Variants in ITGAM observed in about 807,000 individuals in gnomAD.
ITGAM encodes the protein integrin subunit alpha M, also known as integrin alpha-M.
Under a neutral mutation model 137.5 loss-of-function variants are expected in ITGAM, and 79 were observed. The observed-to-expected ratio is 0.57, with a 90% CI of 0.48 to 0.69. The LOEUF (loss-of-function observed/expected upper bound fraction) is 0.69, where lower values mean the gene tolerates loss of function less well. Ranked by LOEUF, ITGAM falls within the 30% of genes least tolerant of loss-of-function variation. The pLI, the probability that ITGAM is intolerant of heterozygous loss-of-function variation, is 0.00. For synonymous variants in ITGAM, 583 were observed against 592.3 expected (o/e 0.98, Z 0.23); for missense variants, 1,343 against 1,483.5 (o/e 0.91, Z 1.56).
chr16:31,297,982 G>C (rs768226518), intron 14 of ITGAM, 28 bp downstream of exon 14: 3 of 1,559,268 alleles, frequency 1.9e-6, no homozygotes, highest in Non-Finnish European at 2.7e-6. Context: ...TCCTTGTCAT[G>C]ACAGTAGCCT....
chr16:31,326,999 G>C, intron 22 of ITGAM, 64 bp downstream of exon 22: 5 of 1,251,958 alleles, frequency 4.0e-6, no homozygotes, highest in Non-Finnish European at 5.9e-6. Context: ...CCTGGCCCAT[G>C]GTGGGCCTTT....
chr16:31,309,748 T>C (rs1597022074), intron 14 of ITGAM, among the ~76,000 whole-genome samples: 1 of 152,238 alleles, frequency 6.6e-6, no homozygotes, highest in East Asian at 1.9e-4. Flanking sequence ...TTCTTAGCCT[T>C]GATGGTCTTT....
At chr16:31,272,460 T>C (rs2079860002) in intron 7 of ITGAM, among the ~76,000 whole-genome samples, 1 of 10,712 alleles carries the variant, frequency 9.3e-5, no homozygotes, top group Non-Finnish European at 1.6e-4. Context: ...TATATATATA[T>C]ATATTTTTTT....
intron 5 of ITGAM, among the ~76,000 whole-genome samples, chr16:31,270,168 C>T (rs1370546889): frequency 2.9e-5 from 1 of 35,012 alleles, no homozygotes; most frequent in African/African-American, 9.3e-5. Context: ...CTTTCCTTTC[C>T]TTTCCTTTCC....
chr16:31,287,570 C>A (rs1030622509), intron 12 of ITGAM, among the ~76,000 whole-genome samples: 1 of 151,998 alleles, frequency 6.6e-6, no homozygotes, highest in Non-Finnish European at 1.5e-5. Flanking sequence ...TTTGTAGAGA[C>A]CTTTTACCTC....
chr16:31,269,391 G>A (rs1350811012), intron 5 of ITGAM, among the ~76,000 whole-genome samples: 1 of 152,168 alleles, frequency 6.6e-6, no homozygotes, highest in Non-Finnish European at 1.5e-5. Flanking sequence ...CAGGTAAGAA[G>A]GAGGTCTGCT....
In ITGAM at chr16:31,271,093, C is replaced by T. The variant is rs779195778; in HGVS notation, c.558+9C>T. 4 of 1,550,170 alleles carry T rather than the reference C, an allele frequency of 2.6e-6. No individual in the cohort carries two copies. In the South Asian group the frequency reaches 3.7e-5, roughly 14 times the overall value. On this transcript the variant is annotated intron_variant, in intron 6 of 29. Coordinates refer to ENST00000544665, the MANE Select transcript of ITGAM (RefSeq NM_000632.4). Reference sequence around the variant, plus strand: ...AAAAGTCCAAAACCTTGGTGAGGGCCCAGGGGTAGGTTAGGGAAGAGCCCA... The same window carrying T: ...AAAAGTCCAAAACCTTGGTGAGGGCTCAGGGGTAGGTTAGGGAAGAGCCCA...
At chr16:31,280,876 G>A (rs1422216367) in intron 12 of ITGAM, among the ~76,000 whole-genome samples, 6 of 152,184 alleles carry the variant, frequency 3.9e-5, no homozygotes, top group Middle Eastern at 6.8e-3. Flanking sequence ...GCTCTTCTTA[G>A]TTTGAGATAC....
At chr16:31,266,184 A>G (rs2079765630) in intron 5 of ITGAM, 37 bp downstream of exon 5, 5 of 1,435,850 alleles carry the variant, frequency 3.5e-6, no homozygotes, top group Non-Finnish European at 4.9e-6. Flanking sequence ...GATGCGCAGC[A>G]AAAGACCAGG....
chr16:31,301,962 T>C (rs2080201234), intron 14 of ITGAM, among the ~76,000 whole-genome samples: 1 of 152,206 alleles, frequency 6.6e-6, no homozygotes, highest in Admixed American at 6.5e-5. Context: ...ATAGAACCTC[T>C]TTGACTTTAA....
intron 12 of ITGAM, among the ~76,000 whole-genome samples, chr16:31,282,053 T>C (rs1241913501): frequency 6.6e-6 from 1 of 152,240 alleles, no homozygotes; most frequent in Non-Finnish European, 1.5e-5. Flanking sequence ...TAATCCTGAG[T>C]TCTAGTTTGA....
intron 14 of ITGAM, among the ~76,000 whole-genome samples, chr16:31,308,936 T>C (rs2080294122): frequency 7.2e-6 from 1 of 139,646 alleles, no homozygotes; most frequent in African/African-American, 2.7e-5. Context: ...GAGCAGGTTG[T>C]TCAGTTTCCA....
intron 14 of ITGAM, among the ~76,000 whole-genome samples, chr16:31,307,536 G>A (rs932038877): frequency 6.6e-6 from 1 of 152,172 alleles, no homozygotes; most frequent in African/African-American, 2.4e-5. Context: ...ATCAGCTTAA[G>A]GAGATTTTGG....
intron 14 of ITGAM, among the ~76,000 whole-genome samples, chr16:31,318,232 T>A (rs1446964434): frequency 6.6e-6 from 1 of 152,186 alleles, no homozygotes; most frequent in Non-Finnish European, 1.5e-5. Flanking sequence ...CTCTTAATGA[T>A]CCTTTTTATT....
In ITGAM at chr16:31,314,079, TG is replaced by T. The variant is rs138905400; in HGVS notation, c.1708-7161del. On this transcript the variant is annotated intron_variant, in intron 14 of 29. Transcript: ENST00000544665. Reference sequence around the variant, plus strand: ...TTGCCCATTTTTTGATGGGGTTGTTTGTTTTTTTCTTGTAAATTTGTTTATG... The same window carrying T: ...TTGCCCATTTTTTGATGGGGTTGTTTTTTTTTTCTTGTAAATTTGTTTATG... Among the ~76,000 whole-genome samples the T allele has an allele frequency of 5.0e-3, 754 of 152,274 alleles. 10 individuals are homozygous for T. The highest frequency in any genetic ancestry group is 0.018 in the African/African-American group (729 of 41,552).
chr16:31,303,121 C>A (rs2080232584), intron 14 of ITGAM, among the ~76,000 whole-genome samples: 1 of 151,692 alleles, frequency 6.6e-6, no homozygotes, highest in Admixed American at 6.6e-5. Context: ...GCAGTCTTGA[C>A]ACCCAGGCTC....
chr16:31,324,579 T>TG lies in ITGAM; in HGVS notation c.2157+29dup. ...GTGAGCAGGCTAGTGGCCAGACCCC[T>TG]GGGTCTTCCAAGCATGGAGTGGGCT... On this transcript the variant is annotated intron_variant, in intron 17 of 29. Transcript: ENST00000544665. This position sits in a 1 kb window ranked among gnomAD's most constrained non-coding sequence, Gnocchi z 4.5. 6.2e-7 allele frequency: 1 copy of TG among 1,610,300 alleles called. No individual in the cohort carries two copies.
chr16:31,264,085 C>T lies in ITGAM; in HGVS notation c.135-1310C>T, dbSNP rs184155189. Among the ~76,000 whole-genome samples, 1,277 of 152,036 alleles carry T rather than the reference C, an allele frequency of 8.4e-3. 26 individuals are homozygous for T. The highest frequency in any genetic ancestry group is 0.03 in the African/African-American group (1,227 of 41,486). On this transcript the variant is annotated intron_variant, in intron 2 of 29. Transcript: ENST00000544665. ...TTTCCTGACCTCGTGATCCACTTGCCTCGGCCTCCCAAAGTGCAGGGATTA... is the reference window on the plus strand; with the variant it reads ...TTTCCTGACCTCGTGATCCACTTGCTTCGGCCTCCCAAAGTGCAGGGATTA...
At chr16:31,280,849 C>T (rs1478635364) in intron 12 of ITGAM, among the ~76,000 whole-genome samples, 5 of 152,032 alleles carry the variant, frequency 3.3e-5, no homozygotes, top group African/African-American at 4.8e-5. Context: ...ATATTGGCTG[C>T]GGGTTTGTCA....
Sources: gnomAD v4.1 joint callset for allele counts (sites outside exome capture counted in the v4.1 genomes callset) on GRCh38, gnomAD v4.1.1 for gene constraint, Gnocchi (gnomAD v3.1) non-coding constraint, MANE v1.5 for transcripts, NCBI Gene and HGNC (gene_info 2026-07-23, HGNC 2026-07-21) for gene names.